ANKHD1: variants seen among roughly 807,000 people sequenced by gnomAD.
ANKHD1 encodes the protein ankyrin repeat and KH domain-containing protein 1.
ANKHD1 carries 31 observed loss-of-function variants against 230.5 expected under a neutral mutation model. The ratio of observed to expected loss-of-function variants is 0.13; its 90% CI spans 0.10 to 0.18. ANKHD1 has a LOEUF of 0.18. Ranked by LOEUF, ANKHD1 falls within the 10% of genes least tolerant of loss-of-function variation. The pLI is 1.00. For synonymous variants in ANKHD1, 1,074 were observed against 1,117.6 expected, an observed-to-expected ratio of 0.96 and a Z score of 0.78; for missense variants, 2,256 against 3,071.3, an observed-to-expected ratio of 0.73 and a Z score of 6.27.
At chr5:140,412,978 C>G (rs1412498607) in intron 1 of ANKHD1, among the ~76,000 whole-genome samples, 1 of 152,142 alleles carries the variant, frequency 6.6e-6, no homozygotes, top group Non-Finnish European at 1.5e-5. Context: ...TGAATAGATA[C>G]TGTTTTCAGT....
Position 140,440,317 on chromosome 5 carries a change from T to C in ANKHD1, c.765+51T>C, listed in dbSNP as rs368050633. On this transcript the variant is annotated intron_variant, in intron 4 of 33. Transcript: ENST00000360839. ...TAAAATTGTGGAAGGGTTTTGATGT[T>C]TTATTTATTTTTGTCACTTATAAGA... 112 of 1,565,040 alleles carry C rather than the reference T, an allele frequency of 7.2e-5. No homozygotes were observed. In the African/African-American group the frequency reaches 1.5e-3, roughly 21 times the overall value.
chr5:140,441,602 CG>C (rs1773853371), intron 5 of ANKHD1, among the ~76,000 whole-genome samples: 1 of 151,600 alleles, frequency 6.6e-6, no homozygotes, highest in African/African-American at 2.4e-5. Context: ...CATTGGTTAC[CG>C]GGTCAGGGGT....
intron 1 of ANKHD1, among the ~76,000 whole-genome samples, chr5:140,417,378 GTTA>G (rs1327500990): frequency 6.7e-6 from 1 of 150,102 alleles, no homozygotes; most frequent in Non-Finnish European, 1.5e-5. Context: ...TTTTTTTTTG[GTTA>G]TTATTTATGT....
intron 1 of ANKHD1, among the ~76,000 whole-genome samples, chr5:140,416,822 T>C (rs895278922): frequency 2.0e-5 from 3 of 151,624 alleles, no homozygotes; most frequent in African/African-American, 7.3e-5. Context: ...CTATTCTGGG[T>C]CTTTTGAGAT....
At chr5:140,424,947 G>T (rs2126881638) in intron 1 of ANKHD1, among the ~76,000 whole-genome samples, 1 of 152,176 alleles carries the variant, frequency 6.6e-6, no homozygotes, top group Admixed American at 6.5e-5. Flanking sequence ...TAGTTAAGAT[G>T]GTTGAATAAA....
chr5:140,464,855 A>T, intron 10 of ANKHD1, 79 bp downstream of exon 10: 2 of 1,385,330 alleles, frequency 1.4e-6, no homozygotes, highest in Non-Finnish European at 1.9e-6. Flanking sequence ...AACACTAAAG[A>T]TCAATGGTTT....
At chr5:140,427,733 G>A (rs1415672067) in intron 1 of ANKHD1, among the ~76,000 whole-genome samples, 8 of 136,216 alleles carry the variant, frequency 5.9e-5, no homozygotes, top group South Asian at 4.9e-4. Context: ...GGGCAGAGGC[G>A]CCCCTCACCT....
chr5:140,482,537 G>T, intron 10 of ANKHD1, 43 bp from the exon 11 acceptor site: 2 of 1,596,886 alleles, frequency 1.3e-6, no homozygotes, highest in South Asian at 2.2e-5. Flanking sequence ...TAGATGGTTA[G>T]ACTGTTGGCA....
At chr5:140,478,991 T>A (rs570527602) in intron 10 of ANKHD1, among the ~76,000 whole-genome samples, 45 of 66,658 alleles carry the variant, frequency 6.8e-4, no homozygotes, top group Middle Eastern at 0.013. Context: ...TTATTTTTTT[T>A]AATTTTTATT....
At chr5:140,539,147 GAAGTAT>G (rs1190909772) in intron 33 of ANKHD1, 64 bp downstream of exon 33, 3 of 1,541,696 alleles carry the variant, frequency 1.9e-6, no homozygotes, top group Admixed American at 2.0e-5. Context: ...TGTTTTGTGA[GAAGTAT>G]AAGTACTGAA....
intron 1 of ANKHD1, among the ~76,000 whole-genome samples, chr5:140,431,488 T>C (rs1187644693): frequency 6.6e-6 from 1 of 152,226 alleles, no homozygotes. Context: ...CTAAAAATTA[T>C]ATTTATATGG....
intron 22 of ANKHD1, among the ~76,000 whole-genome samples, chr5:140,511,191 C>T (rs1192755352): frequency 6.6e-6 from 1 of 152,110 alleles, no homozygotes; most frequent in Admixed American, 6.6e-5. Flanking sequence ...TTTTAAAAGC[C>T]TTCCCATTGG....
At chr5:140,456,329 A>G (rs1352277270) in intron 7 of ANKHD1, among the ~76,000 whole-genome samples, 1 of 152,218 alleles carries the variant, frequency 6.6e-6, no homozygotes, top group Non-Finnish European at 1.5e-5. Context: ...CAAGCTACCA[A>G]TGACTTCCTT....
At chr5:140,451,893 A>G (rs980850533) in intron 7 of ANKHD1, among the ~76,000 whole-genome samples, 4 of 152,168 alleles carry the variant, frequency 2.6e-5, no homozygotes, top group Admixed American at 2.6e-4. Context: ...CATTTTTGAA[A>G]TACAGTACAA....
At chr5:140,444,667 C>G (rs989849016) in intron 5 of ANKHD1, among the ~76,000 whole-genome samples, 3 of 151,992 alleles carry the variant, frequency 2.0e-5, no homozygotes, top group Non-Finnish European at 4.4e-5. Flanking sequence ...ACAAAAAATC[C>G]CAGTTTTATT....
chr5:140,416,878 A>G (rs1421160729), intron 1 of ANKHD1, among the ~76,000 whole-genome samples: 1 of 151,598 alleles, frequency 6.6e-6, no homozygotes, highest in Non-Finnish European at 1.5e-5. Context: ...AATTTCTGCA[A>G]AAAGTGCCAT....
intron 24 of ANKHD1, among the ~76,000 whole-genome samples, chr5:140,515,002 G>T (rs567786021): frequency 1.3e-5 from 2 of 151,438 alleles, no homozygotes; most frequent in East Asian, 3.9e-4. Flanking sequence ...TCCTGTCTGG[G>T]CGCAGTAGCT....
intron 10 of ANKHD1, chr5:140,472,150 T>A: frequency 9.6e-7 from 1 of 1,039,584 alleles, no homozygotes; most frequent in Non-Finnish European, 1.5e-6. Context: ...AAGCCCACCA[T>A]CTGAAGTATC....
chr5:140,456,377 A>C (rs1393252419), intron 7 of ANKHD1, among the ~76,000 whole-genome samples: 1 of 152,200 alleles, frequency 6.6e-6, no homozygotes, highest in African/African-American at 2.4e-5. Flanking sequence ...GTTCATATGG[A>C]ACCAAAAAAG....
Sources: allele counts gnomAD v4.1 joint callset (sites outside exome capture counted in the v4.1 genomes callset), GRCh38; gene constraint gnomAD v4.1.1; transcripts MANE v1.5; gene names NCBI Gene and HGNC (gene_info 2026-07-23, HGNC 2026-07-21).